Variants in BICRA observed in about 807,000 individuals in gnomAD.
BICRA encodes BRD4-interacting chromatin-remodeling complex-associated protein.
BICRA carries 31 observed loss-of-function variants against 96.9 expected under a neutral mutation model. The observed-to-expected ratio is 0.32, with a 90% CI of 0.24 to 0.43. BICRA has a LOEUF of 0.43. Among genes scored for constraint, BICRA ranks in the 20% least tolerant of loss-of-function variants. BICRA has a pLI of 1.00. For missense variants in BICRA, 2,283 were observed against 2,190.3 expected (o/e 1.04, Z -0.84); for synonymous variants, 1,350 against 1,071.8 (o/e 1.26, Z -5.07).
At chr19:47,691,012 A>G (rs1223476112) in intron 7 of BICRA, among the ~76,000 whole-genome samples, 1 of 152,204 alleles carries the variant, frequency 6.6e-6, no homozygotes, top group Non-Finnish European at 1.5e-5. Flanking sequence ...GCAGCTTCAA[A>G]CAGCAAGTAT....
chr19:47,696,309 G>T, intron 10 of BICRA, 142 bp from the exon 11 acceptor site: 1 of 697,992 alleles, frequency 1.4e-6, no homozygotes, highest in Admixed American at 2.6e-5. Context: ...ATGGGCAGGG[G>T]ATCCTGTAGC....
At chr19:47,616,507 C>T (rs559487292) in intron 1 of BICRA, among the ~76,000 whole-genome samples, 2 of 152,112 alleles carry the variant, frequency 1.3e-5, no homozygotes, top group African/African-American at 2.4e-5. Flanking sequence ...GGCGTGGTGG[C>T]GCATGCTTGT....
chr19:47,676,161 G>A (rs1972937379), intron 5 of BICRA, among the ~76,000 whole-genome samples: 1 of 152,134 alleles, frequency 6.6e-6, no homozygotes, highest in African/African-American at 2.4e-5. Context: ...TGGGGAAGAG[G>A]TGAGGGTCCC....
chr19:47,634,715 T>C lies in BICRA; in HGVS notation c.-108+25547T>C, dbSNP rs1972272889. Among the ~76,000 whole-genome samples the C allele has an allele frequency of 1.3e-5, 2 of 151,970 alleles. 1 individual carries two copies. Among genetic ancestry groups the C allele is most frequent in the South Asian group, 4.1e-4 (2 of 4,824 alleles). On this transcript the variant is annotated intron_variant, in intron 1 of 14. Coordinates refer to ENST00000594866, the MANE Select transcript of BICRA (RefSeq NM_001394372.1). ...GCTCCCACCCACCTGGGCCAGATAC[T>C]TTGGTGCCATCCTCAACTCTCTTCT...
chr19:47,609,906 G>T (rs1019275393), intron 1 of BICRA, among the ~76,000 whole-genome samples: 4 of 152,128 alleles, frequency 2.6e-5, no homozygotes, highest in African/African-American at 9.7e-5. Flanking sequence ...GGCAATAGAG[G>T]GAGGTGACCC....
intron 1 of BICRA, among the ~76,000 whole-genome samples, chr19:47,620,667 C>CAAAAAAAAA (rs10675281): frequency 1.3e-4 from 9 of 67,676 alleles, no homozygotes; most frequent in Admixed American, 2.0e-4. Flanking sequence ...GAGACTGTCT[C>CAAAAAAAAA]AAAAAAAAAA....
chr19:47,659,995 T>A (rs1446208198), intron 1 of BICRA, among the ~76,000 whole-genome samples: 2 of 152,096 alleles, frequency 1.3e-5, no homozygotes, highest in African/African-American at 4.8e-5. Context: ...CTGTACGTAT[T>A]GTATGCGTCT....
In BICRA at chr19:47,675,837, G is replaced by A; in HGVS notation, c.85-14G>A. The A allele has an allele frequency of 6.2e-7, 1 of 1,600,782 alleles. No individual in the cohort carries two copies. Among genetic ancestry groups the A allele is most frequent in the Non-Finnish European group, 8.5e-7 (1 of 1,171,618 alleles). On this transcript the variant is annotated splice_polypyrimidine_tract_variant and intron_variant, in intron 4 of 14. Coordinates refer to ENST00000594866, the MANE Select transcript of BICRA (RefSeq NM_001394372.1). This position sits in a 1 kb window ranked among gnomAD's most constrained non-coding sequence, Gnocchi z 4.7. ...GCTGACTTTTGACCTTGGATGGGGC[G>A]GGTCTTGTTGCAGCTTGACAGTGAT...
At chr19:47,673,520 A>G (rs1175881003) in intron 2 of BICRA, 50 bp from the exon 3 acceptor site, 2 of 1,542,334 alleles carry the variant, frequency 1.3e-6, no homozygotes, top group Non-Finnish European at 1.8e-6. Context: ...GCAAGCTGCC[A>G]AAATCTAACC....
At position 47,681,183 on chromosome 19, in the gene BICRA, G is replaced by A. The variant is rs933120401; in HGVS notation, c.2013G>A (p.Ala671=). The A allele has an allele frequency of 7.2e-6, 11 of 1,531,066 alleles. No individual in the cohort carries two copies. Among genetic ancestry groups the A allele is most frequent in the Non-Finnish European group, 7.0e-6 (8 of 1,142,702 alleles). 94.8% of individuals were successfully genotyped at this position (1,531,066 alleles called of 1,614,324 possible). A position where few individuals can be genotyped will look rare whatever the true frequency, so the allele number is the denominator to read the frequency against. ...CCCCCCAGCCCAGCCCTGGCCTGGCGTCTAGCCCGGAGAAGATCGTCCTGG... is the reference window on the plus strand; with the variant it reads ...CCCCCCAGCCCAGCCCTGGCCTGGCATCTAGCCCGGAGAAGATCGTCCTGG... The part of the protein sequence containing the change: ...ATTPQPSPGL[A]SSPEKIVLGQ... The change falls in exon 6 of 15, where the codon GCG becomes GCA. Residue 671 remains alanine, a synonymous_variant. Coordinates refer to ENST00000594866, the MANE Select transcript of BICRA (RefSeq NM_001394372.1).
In BICRA at chr19:47,702,205, C is replaced by T. The variant is rs1455909796; in HGVS notation, c.4473C>T (p.Ser1491=). Residue 1491 remains serine, a synonymous_variant, in exon 15 of 15, where the codon AGC becomes AGT. Coordinates refer to ENST00000594866, the MANE Select transcript of BICRA (RefSeq NM_001394372.1). The part of the protein sequence containing the change: ...DVDQASFSSD[S]PQDDTLTEHL... The stretch of plus-strand genomic sequence containing the variant: ...ACCAGGCCAGCTTCTCCAGCGACAG[C>T]CCGCAGGATGACACGCTCACCGAGC... The T allele has an allele frequency of 2.5e-6, 4 of 1,595,228 alleles. No homozygotes were observed. Among genetic ancestry groups the T allele is most frequent in the Admixed American group, 3.4e-5 (2 of 59,336 alleles).
rs1044437520 is a variant in BICRA, at chr19:47,694,269, C to G, written c.2438C>G (p.Pro813Arg). The change falls in exon 8 of 15, where the codon CCT becomes CGT. Residue 813 changes from proline to arginine, a missense_variant. Coordinates refer to ENST00000594866, the MANE Select transcript of BICRA (RefSeq NM_001394372.1). ...PPSRPQSVSRPPSEPPLHPCP... is the reference protein window; with the variant it reads ...PPSRPQSVSRRPSEPPLHPCP... Reference sequence around the variant, plus strand: ...TCCCGGCCACAGAGTGTGTCCCGCCCTCCCTCAGAGCCACCCTTGCACCCT... The same window carrying G: ...TCCCGGCCACAGAGTGTGTCCCGCCGTCCCTCAGAGCCACCCTTGCACCCT... 2.5e-6 allele frequency: 2 copies of G among 787,802 alleles called. No individual in the cohort carries two copies. The highest frequency in any genetic ancestry group is 4.8e-5 in the Admixed American group (2 of 41,534). 48.8% of individuals were successfully genotyped at this position (787,802 alleles called of 1,614,324 possible).
chr19:47,615,767 C>T (rs1971975509), intron 1 of BICRA: 1 of 152,192 alleles, frequency 6.6e-6, no homozygotes, highest in African/African-American at 2.4e-5. Flanking sequence ...GGCTTCTCTG[C>T]TTAATTGCAG....
intron 5 of BICRA, among the ~76,000 whole-genome samples, chr19:47,678,453 G>A (rs1972973294): frequency 6.6e-6 from 1 of 152,084 alleles, no homozygotes; most frequent in African/African-American, 2.4e-5. Context: ...GGTAGAGATT[G>A]GGGGACAGCA....
At position 47,678,441 on chromosome 19, in the gene BICRA, C is replaced by T. The variant is rs114534620; in HGVS notation, c.151-880C>T. Among the ~76,000 whole-genome samples the T allele has an allele frequency of 6.2e-3, 946 of 152,006 alleles. 7 individuals carry two copies. Among genetic ancestry groups the T allele is most frequent in the African/African-American group, 0.021 (872 of 41,446 alleles). On this transcript the variant is annotated intron_variant, in intron 5 of 14. Transcript: ENST00000594866. ...TTTATTTTTGTTTTTTGGGCGTCAG[C>T]TGGTAGAGATTGGGGGACAGCACCC...
At chr19:47,669,647 CTTATTT>C (rs960771921) in intron 1 of BICRA, among the ~76,000 whole-genome samples, 2 of 151,804 alleles carry the variant, frequency 1.3e-5, no homozygotes, top group Non-Finnish European at 2.9e-5. Context: ...TTAAATTATT[CTTATTT>C]TTATTTTTAT....
rs764561622 is a variant in BICRA at position 47,680,433 on chromosome 19, G to A, written c.1263G>A (p.Ala421=). The A allele has an allele frequency of 1.2e-4, 181 of 1,537,504 alleles. No homozygotes were observed. The highest frequency in any genetic ancestry group is 1.5e-4 in the Non-Finnish European group (170 of 1,146,002). Residue 421 remains alanine, a synonymous_variant, in exon 6 of 15, where the codon GCG becomes GCA. Coordinates refer to ENST00000594866, the MANE Select transcript of BICRA (RefSeq NM_001394372.1). ...GCTTCCCCGCGCCTGCGCTGCAAGC[G>A]AACGTCTTCAAGCAGCCACCGGCCA... ...LSGFPAPALQ[A]NVFKQPPATT... is the part of the protein sequence containing the mutation.
intron 1 of BICRA, among the ~76,000 whole-genome samples, chr19:47,641,569 G>C (rs573005982): frequency 2.6e-5 from 4 of 152,256 alleles, no homozygotes; most frequent in Admixed American, 2.6e-4. Context: ...ACAGTCGCTT[G>C]AGCCCAGCAG....
At chr19:47,657,695 T>A (rs1377909760) in intron 1 of BICRA, among the ~76,000 whole-genome samples, 2 of 152,162 alleles carry the variant, frequency 1.3e-5, no homozygotes, top group Non-Finnish European at 2.9e-5. Context: ...CATGCCCGGC[T>A]GCTGTGAAAA....
Sources: allele counts gnomAD v4.1 joint callset (sites outside exome capture counted in the v4.1 genomes callset), GRCh38; gene constraint gnomAD v4.1.1; non-coding constraint Gnocchi (gnomAD v3.1); transcripts MANE v1.5; gene names NCBI Gene and HGNC (gene_info 2026-07-23, HGNC 2026-07-21).